Variants in PLCB1 observed in about 807,000 individuals in gnomAD.
PLCB1 encodes the protein phospholipase C beta 1.
A neutral mutation model predicts 161.8 loss-of-function variants in PLCB1; 46 were observed. The ratio of observed to expected loss-of-function variants is 0.28; its 90% CI spans 0.22 to 0.36. The LOEUF is 0.36. Among genes scored for constraint, PLCB1 ranks in the 10% least tolerant of loss-of-function variants. The pLI is 1.00. For missense variants in PLCB1, 1,016 were observed against 1,472.5 expected (o/e 0.69, Z 5.07); for synonymous variants, 517 against 503.7 (o/e 1.03, Z -0.35).
intron 26 of PLCB1, among the ~76,000 whole-genome samples, chr20:8,769,305 G>T (rs1181649255): frequency 6.6e-6 from 1 of 151,124 alleles, no homozygotes; most frequent in East Asian, 1.9e-4. Context: ...TGTTATTTGT[G>T]GTTTTAAAAA....
intron 31 of PLCB1, among the ~76,000 whole-genome samples, chr20:8,879,826 C>G (rs73089691): frequency 0.026 from 3,911 of 152,146 alleles, 77 homozygotes; most frequent in Middle Eastern, 0.075. Flanking sequence ...TTGACTTCAC[C>G]CTGGCATTCC....
chr20:8,792,242 C>T, intron 31 of PLCB1: 1 of 181,340 alleles, frequency 5.5e-6, no homozygotes, highest in Non-Finnish European at 1.2e-5. Context: ...CTGGTGTTTC[C>T]TCATTGGGTA....
intron 26 of PLCB1, among the ~76,000 whole-genome samples, chr20:8,774,188 C>T (rs1982828987): frequency 6.6e-6 from 1 of 152,206 alleles, no homozygotes; most frequent in African/African-American, 2.4e-5. Context: ...ACACTTGTCA[C>T]ATTTTAAAAT....
chr20:8,217,860 G>C (rs1327573867), intron 2 of PLCB1, among the ~76,000 whole-genome samples: 2 of 152,050 alleles, frequency 1.3e-5, no homozygotes, highest in African/African-American at 2.4e-5. Flanking sequence ...TTACTCTCTT[G>C]TTCTTGCTCC....
At chr20:8,459,195 C>T (rs551555088) in intron 3 of PLCB1, among the ~76,000 whole-genome samples, 6 of 152,160 alleles carry the variant, frequency 3.9e-5, no homozygotes, top group Non-Finnish European at 7.4e-5. Flanking sequence ...TACTCATCTC[C>T]GAGGAAAAGT....
At chr20:8,462,262 C>G (rs6055832) in intron 3 of PLCB1, among the ~76,000 whole-genome samples, 1,762 of 152,194 alleles carry the variant, frequency 0.012, 32 homozygotes, top group African/African-American at 0.039. Context: ...CTGAGTAAAC[C>G]TTTAAGCTCT....
At chr20:8,605,284 C>A (rs1987722596) in intron 3 of PLCB1, among the ~76,000 whole-genome samples, 1 of 152,034 alleles carries the variant, frequency 6.6e-6, no homozygotes, top group South Asian at 2.1e-4. Flanking sequence ...TTTCCCTTAC[C>A]ATATCAGATT....
chr20:8,393,632 G>A (rs1004197865), intron 3 of PLCB1, among the ~76,000 whole-genome samples: 8 of 152,170 alleles, frequency 5.3e-5, no homozygotes, highest in Non-Finnish European at 1.2e-4. Flanking sequence ...TCCGGCCTGG[G>A]TGACTGGTCA....
chr20:8,419,387 A>G (rs1374758959), intron 3 of PLCB1, among the ~76,000 whole-genome samples: 1 of 152,144 alleles, frequency 6.6e-6, no homozygotes, highest in Admixed American at 6.5e-5. Flanking sequence ...TAATGATTAT[A>G]TATGGTTCCA....
intron 16 of PLCB1, 142 bp downstream of exon 16, chr20:8,724,894 C>T (rs549358026): frequency 2.0e-4 from 120 of 589,550 alleles, no homozygotes; most frequent in Non-Finnish European, 2.9e-4. Context: ...TTTTGACTGC[C>T]TTGTTACTTT....
At chr20:8,820,682 A>G (rs957940279) in intron 31 of PLCB1, among the ~76,000 whole-genome samples, 1 of 152,158 alleles carries the variant, frequency 6.6e-6, no homozygotes, top group Non-Finnish European at 1.5e-5. Context: ...GTTGTGCCAG[A>G]GTGTTCATAG....
intron 2 of PLCB1, among the ~76,000 whole-genome samples, chr20:8,194,235 G>A (rs1212527310): frequency 6.6e-6 from 1 of 151,898 alleles, no homozygotes; most frequent in Non-Finnish European, 1.5e-5. Flanking sequence ...AACTTTGCTT[G>A]GGCCCTCTAA....
chr20:8,133,787 A>G (rs960416437), intron 1 of PLCB1, among the ~76,000 whole-genome samples: 7 of 152,224 alleles, frequency 4.6e-5, no homozygotes, highest in African/African-American at 1.7e-4. Context: ...CCAAATGACT[A>G]ATACATCTCT....
chr20:8,336,826 TTCA>T (rs1267291133), intron 2 of PLCB1, among the ~76,000 whole-genome samples: 1 of 152,208 alleles, frequency 6.6e-6, no homozygotes, highest in African/African-American at 2.4e-5. Context: ...CTCACCATTA[TTCA>T]TCATTTTTTT....
In PLCB1 at chr20:8,402,432, G is replaced by A. The variant is rs111684614; in HGVS notation, c.246+30982G>A. Among the ~76,000 whole-genome samples, 268 of 152,204 alleles carry A rather than the reference G, an allele frequency of 1.8e-3. 3 individuals carry two copies. Among genetic ancestry groups the A allele is most frequent in the African/African-American group, 5.9e-3 (243 of 41,532 alleles). Reference sequence around the variant, plus strand: ...CCGCTGAGTGTTACATCACTTTGATGTTTTAAGTGGAGCTTTTATTTACAT... The same window carrying A: ...CCGCTGAGTGTTACATCACTTTGATATTTTAAGTGGAGCTTTTATTTACAT... On this transcript the variant is annotated intron_variant, in intron 3 of 31. Coordinates refer to ENST00000338037, the MANE Select transcript of PLCB1 (RefSeq NM_015192.4).
intron 2 of PLCB1, among the ~76,000 whole-genome samples, chr20:8,235,770 A>G (rs986134839): frequency 1.1e-4 from 16 of 152,104 alleles, no homozygotes; most frequent in African/African-American, 3.6e-4. Flanking sequence ...CACGGAAATT[A>G]TTTCTAAAAT....
chr20:8,484,875 C>T (rs1982656024), intron 3 of PLCB1, among the ~76,000 whole-genome samples: 1 of 152,202 alleles, frequency 6.6e-6, no homozygotes, highest in South Asian at 2.1e-4. Flanking sequence ...AGTTTGCTCA[C>T]TGCTATATCC....
At chr20:8,772,199 G>A (rs1488106059) in intron 26 of PLCB1, among the ~76,000 whole-genome samples, 1 of 151,884 alleles carries the variant, frequency 6.6e-6, no homozygotes, top group Non-Finnish European at 1.5e-5. Flanking sequence ...CTAATACTCT[G>A]TCTTTCCCTG....
At chr20:8,351,692 A>G (rs1986183955) in intron 2 of PLCB1, among the ~76,000 whole-genome samples, 1 of 151,966 alleles carries the variant, frequency 6.6e-6, no homozygotes, top group Non-Finnish European at 1.5e-5. Flanking sequence ...ATGAACAGAT[A>G]TCTCACCAAA....
Sources: allele counts gnomAD v4.1 joint callset (sites outside exome capture counted in the v4.1 genomes callset), GRCh38; gene constraint gnomAD v4.1.1; transcripts MANE v1.5; gene names NCBI Gene and HGNC (gene_info 2026-07-23, HGNC 2026-07-21).